Variants in NCAPG2 observed in about 807,000 individuals in gnomAD.
The protein encoded by NCAPG2 is non-SMC condensin II complex subunit G2.
A neutral mutation model predicts 141.1 loss-of-function variants in NCAPG2; 53 were observed. The observed-to-expected ratio is 0.38, with a 90% CI of 0.30 to 0.47. The LOEUF (loss-of-function observed/expected upper bound fraction) is 0.47, where lower values mean the gene tolerates loss of function less well. Among genes scored for constraint, NCAPG2 ranks in the 20% least tolerant of loss-of-function variants. The probability of loss-of-function intolerance (pLI) is 0.99; values close to 1 mark genes in which losing one functional copy is unlikely to be tolerated. For missense variants in NCAPG2, 1,087 were observed against 1,389.0 expected, an observed-to-expected ratio of 0.78 and a Z score of 3.46; for synonymous variants, 499 against 490.7, an observed-to-expected ratio of 1.02 and a Z score of -0.22.
chr7:158,676,442 A>G (rs147005507), intron 11 of NCAPG2, among the ~76,000 whole-genome samples: 1 of 152,374 alleles, frequency 6.6e-6, no homozygotes, highest in East Asian at 1.9e-4. Flanking sequence ...TTAGAGAAAC[A>G]TTCAAACAAA....
chr7:158,633,063 G>A lies in NCAPG2; in HGVS notation c.3381-1346C>T, dbSNP rs1380538876. Among the ~76,000 whole-genome samples the A allele has an allele frequency of 6.6e-6, 1 of 151,872 alleles. No homozygotes were observed. Among genetic ancestry groups the A allele is most frequent in the Non-Finnish European group, 1.5e-5 (1 of 67,972 alleles). ...ATCTTATCCATAATTATTTAGCTGTGATTTTTTTTTTCCATCAATCCAGAA... is the reference window on the plus strand; with the variant it reads ...ATCTTATCCATAATTATTTAGCTGTAATTTTTTTTTTCCATCAATCCAGAA... On this transcript the variant is annotated intron_variant, in intron 27 of 27. Transcript: ENST00000356309. This position sits in a 1 kb window ranked among gnomAD's most constrained non-coding sequence, Gnocchi z 4.1.
At chr7:158,655,937 G>C (rs1421339182) in intron 19 of NCAPG2, among the ~76,000 whole-genome samples, 1 of 152,252 alleles carries the variant, frequency 6.6e-6, no homozygotes, top group Non-Finnish European at 1.5e-5. Flanking sequence ...TGCAGGGAGT[G>C]AGTGTCCACA....
At position 158,655,174 on chromosome 7, in the gene NCAPG2, C is replaced by A; in HGVS notation, c.2590G>T (p.Asp864Tyr). 1 of 1,614,062 alleles carries A rather than the reference C, an allele frequency of 6.2e-7. No homozygotes were observed. Among genetic ancestry groups the A allele is most frequent in the Non-Finnish European group, 8.5e-7 (1 of 1,180,008 alleles). The change falls in exon 21 of 28, where the codon GAT becomes TAT. Residue 864 changes from aspartate to tyrosine, a missense_variant. Asp to Tyr is a radical substitution (Grantham distance 160, BLOSUM62 -3). Coordinates refer to ENST00000356309, the MANE Select transcript of NCAPG2 (RefSeq NM_017760.7). ...AGCTTCAGGTAGTCTTCTTCTTGAT[C>A]TTGAATAAAAGATAAAATTTTGCTT... is the stretch of plus-strand genomic sequence containing the variant. ...LESKILSFIQDQEEDYLKLHR... is the reference protein window; with the variant it reads ...LESKILSFIQYQEEDYLKLHR...
chr7:158,702,117 C>A, intron 1 of NCAPG2, 179 bp from the exon 2 acceptor site: 1 of 460,432 alleles, frequency 2.2e-6, no homozygotes, highest in Non-Finnish European at 3.8e-6. Flanking sequence ...TTACTTATTT[C>A]CTTTACTGGG....
chr7:158,659,152 A>G (rs1369326964), intron 16 of NCAPG2, among the ~76,000 whole-genome samples: 1 of 151,888 alleles, frequency 6.6e-6, no homozygotes, highest in Non-Finnish European at 1.5e-5. Context: ...CAACATGGTG[A>G]AACCCTGTTC....
At chr7:158,645,061 G>C (rs1156350738) in intron 26 of NCAPG2, among the ~76,000 whole-genome samples, 2 of 152,102 alleles carry the variant, frequency 1.3e-5, no homozygotes, top group Non-Finnish European at 2.9e-5. Flanking sequence ...TATTTTCCCA[G>C]TACTACTTGA....
At chr7:158,631,792 A>G in intron 27 of NCAPG2, 75 bp from the exon 28 acceptor site, 2 of 1,216,472 alleles carry the variant, frequency 1.6e-6, no homozygotes, top group Non-Finnish European at 2.4e-6. Flanking sequence ...TTTCAAAAAT[A>G]TAATCTAAAA....
At chr7:158,662,474 G>A (rs920101922) in intron 15 of NCAPG2, 107 bp from the exon 16 acceptor site, 12 of 1,013,198 alleles carry the variant, frequency 1.2e-5, no homozygotes, top group Admixed American at 1.0e-4. Flanking sequence ...GAGAACATCC[G>A]TCTTACTTTC....
Position 158,655,465 on chromosome 7 carries a change from A to G in NCAPG2, c.2389-10T>C. 6.2e-7 allele frequency: 1 copy of G among 1,611,410 alleles called. No homozygotes were observed. Among genetic ancestry groups the G allele is most frequent in the Non-Finnish European group, 8.5e-7 (1 of 1,177,698 alleles). On this transcript the variant is annotated splice_polypyrimidine_tract_variant and intron_variant, in intron 19 of 27. Transcript: ENST00000356309. ...GTGACTCCAGATCTGCCTGTAATAG[A>G]AAAAACCCAAGGGCCACATGCTGAC...
chr7:158,701,752 CATA>C, intron 2 of NCAPG2, 67 bp downstream of exon 2: 1 of 1,318,880 alleles, frequency 7.6e-7, no homozygotes, highest in Non-Finnish European at 1.1e-6. Flanking sequence ...CTTTTGGGGA[CATA>C]ATGACTTTAG....
chr7:158,683,657 T>C (rs1249991986), intron 8 of NCAPG2, among the ~76,000 whole-genome samples: 2 of 152,176 alleles, frequency 1.3e-5, no homozygotes, highest in African/African-American at 4.8e-5. Flanking sequence ...AGATTCCACC[T>C]ACCACTCAAG....
chr7:158,659,568 G>A (rs896614555), intron 16 of NCAPG2, among the ~76,000 whole-genome samples: 1 of 152,014 alleles, frequency 6.6e-6, no homozygotes, highest in Non-Finnish European at 1.5e-5. Flanking sequence ...TTAGTAAATT[G>A]CAGCTAAATT....
rs113169043 is a variant in NCAPG2, at chr7:158,642,144, C to T, written c.3380+2145G>A. 7.1e-3 allele frequency among the ~76,000 whole-genome samples: 1,074 copies of T among 152,152 alleles called. 10 individuals carry two copies. Among genetic ancestry groups the T allele is most frequent in the African/African-American group, 0.025 (1,031 of 41,480 alleles). On this transcript the variant is annotated intron_variant, in intron 27 of 27. Coordinates refer to ENST00000356309, the MANE Select transcript of NCAPG2 (RefSeq NM_017760.7). ...GATTAAACAACGCAACTAAATAGGTCAAAGAGGAAATCACAAGAGAAATTT... is the reference window on the plus strand; with the variant it reads ...GATTAAACAACGCAACTAAATAGGTTAAAGAGGAAATCACAAGAGAAATTT...
chr7:158,670,474 G>C (rs980686937), intron 13 of NCAPG2, among the ~76,000 whole-genome samples: 12 of 152,098 alleles, frequency 7.9e-5, no homozygotes, highest in Non-Finnish European at 1.6e-4. Context: ...GCTCAGGAGG[G>C]ATGATGGCTT....
In NCAPG2 at chr7:158,658,353, G is replaced by A. The variant is rs1177947080; in HGVS notation, c.2045C>T (p.Ala682Val). ...GAGCAAATACCTGAATGGGGGGACA[G>A]CAGAGGCCGGCATAAAGGACATTAG... ...FMLMSFMPAS[A>V]VPPFSCGVIS... Residue 682 changes from alanine (A) to valine (V), a missense_variant, in exon 17 of 28, where the codon GCT becomes GTT. Coordinates refer to ENST00000356309, the MANE Select transcript of NCAPG2 (RefSeq NM_017760.7). 6.2e-7 allele frequency: 1 copy of A among 1,611,642 alleles called. No individual in the cohort carries two copies. Among genetic ancestry groups the A allele is most frequent in the Admixed American group, 1.7e-5 (1 of 59,698 alleles).
Position 158,662,257 on chromosome 7 carries a change from C to T in NCAPG2, c.1926G>A (p.Glu642=), listed in dbSNP as rs1412241163. The T allele has an allele frequency of 6.2e-7, 1 of 1,609,866 alleles. No individual in the cohort carries two copies. Among genetic ancestry groups the T allele is most frequent in the East Asian group, 2.2e-5 (1 of 44,778 alleles). The change falls in exon 16 of 28, where the codon GAG becomes GAA. Residue 642 remains glutamate, a synonymous_variant. Transcript: ENST00000356309. ...SIDRSMENNK[E]AKLYTINKFA... ...ACTTGTTAATCGTGTAAAGTTTGGC[C>T]TCTTTATTATTTTCCATACTTCTGT...
chr7:158,699,088 C>G (rs2129469626), intron 2 of NCAPG2, among the ~76,000 whole-genome samples: 3 of 152,228 alleles, frequency 2.0e-5, no homozygotes, highest in East Asian at 3.9e-4. Flanking sequence ...CCAGCCTCCA[C>G]CTGCTTTATT....
intron 12 of NCAPG2, among the ~76,000 whole-genome samples, chr7:158,674,288 A>AT (rs34536237): frequency 1.5e-4 from 17 of 114,420 alleles, no homozygotes; most frequent in African/African-American, 3.3e-4. Context: ...AAAAAAAAAA[A>AT]TTTTTTTTTT....
chr7:158,666,969 C>A (rs1833008955), intron 13 of NCAPG2, among the ~76,000 whole-genome samples: 1 of 152,128 alleles, frequency 6.6e-6, no homozygotes, highest in South Asian at 2.1e-4. Context: ...GGTGTGCACG[C>A]CAGGCCCGGC....
Sources: allele counts gnomAD v4.1 joint callset (sites outside exome capture counted in the v4.1 genomes callset), GRCh38; gene constraint gnomAD v4.1.1; non-coding constraint Gnocchi (gnomAD v3.1); transcripts MANE v1.5; gene names NCBI Gene and HGNC (gene_info 2026-07-23, HGNC 2026-07-21).